Variants in SORCS2 observed in about 807,000 individuals in gnomAD.
SORCS2 encodes the protein sortilin related VPS10 domain containing receptor 2, also known as VPS10 domain-containing receptor SorCS2.
SORCS2 carries 100 observed loss-of-function variants against 141.6 expected under a neutral mutation model. That is an observed-to-expected ratio of 0.71 (90% CI 0.60 to 0.83). SORCS2 has a LOEUF of 0.83. Among genes scored for constraint, SORCS2 ranks in the 40% least tolerant of loss-of-function variants. The probability of loss-of-function intolerance (pLI) is 0.00; values close to 1 mark genes in which losing one functional copy is unlikely to be tolerated. For missense variants in SORCS2, 1,646 were observed against 1,560.2 expected, an observed-to-expected ratio of 1.05 and a Z score of -0.93; for synonymous variants, 789 against 676.9, an observed-to-expected ratio of 1.17 and a Z score of -2.57.
At chr4:7,289,009 T>C (rs1716432186) in intron 1 of SORCS2, among the ~76,000 whole-genome samples, 1 of 151,918 alleles carries the variant, frequency 6.6e-6, no homozygotes, top group Non-Finnish European at 1.5e-5. Flanking sequence ...TGGGTCACAG[T>C]CTTCTAGGTT....
At chr4:7,434,347 G>T in intron 2 of SORCS2, 2 of 1,608,840 alleles carry the variant, frequency 1.2e-6, no homozygotes, top group Non-Finnish European at 1.7e-6. Flanking sequence ...TCCTTCAGGC[G>T]CCTGGCGGGG....
At chr4:7,343,513 C>G (rs992070251) in intron 1 of SORCS2, among the ~76,000 whole-genome samples, 1 of 152,170 alleles carries the variant, frequency 6.6e-6, no homozygotes, top group East Asian at 1.9e-4. Flanking sequence ...AGTGGATCTC[C>G]CCATCCTGGC....
In SORCS2 at chr4:7,421,747, C is replaced by T. The variant is rs376957471; in HGVS notation, c.548+25392C>T. Among the ~76,000 whole-genome samples the T allele has an allele frequency of 2.2e-3, 341 of 152,274 alleles. 2 individuals carry two copies. The highest frequency in any genetic ancestry group is 3.4e-3 in the Middle Eastern group (1 of 294). On this transcript the variant is annotated intron_variant, in intron 2 of 26. Transcript: ENST00000507866. ...CGCTGGCTCTGTGGGACGGCCACTG[C>T]GGCCCCTCTCTGGTCTCCCTGTTCC... is the stretch of plus-strand genomic sequence containing the variant.
intron 1 of SORCS2, among the ~76,000 whole-genome samples, chr4:7,220,066 G>C (rs1464207496): frequency 6.6e-6 from 1 of 152,220 alleles, no homozygotes; most frequent in Non-Finnish European, 1.5e-5. Flanking sequence ...GCTGCCGACT[G>C]ACCCCTCAAA....
At chr4:7,693,039 C>T (rs1314985219) in intron 11 of SORCS2, among the ~76,000 whole-genome samples, 1 of 152,184 alleles carries the variant, frequency 6.6e-6, no homozygotes, top group African/African-American at 2.4e-5. Context: ...ATGTTGATCC[C>T]AGAAATCAAC....
In SORCS2 at chr4:7,243,962, C is replaced by T. The variant is rs141265112; in HGVS notation, c.480+50836C>T. Among the ~76,000 whole-genome samples, 106 of 152,288 alleles carry T rather than the reference C, an allele frequency of 7.0e-4. 2 individuals carry two copies. The South Asian group carries it at 0.019, about 27-fold the overall frequency. Reference sequence around the variant, plus strand: ...GGAGCTGGGTGTGCACCAGGTGGACCGGGAGGGCCATGGCCAGAAGGAAAT... The same window carrying T: ...GGAGCTGGGTGTGCACCAGGTGGACTGGGAGGGCCATGGCCAGAAGGAAAT... On this transcript the variant is annotated intron_variant, in intron 1 of 26. Transcript: ENST00000507866.
In SORCS2 at chr4:7,361,704, T is replaced by TG. The variant is rs201617664; in HGVS notation, c.481-34580dup. 2.3e-4 allele frequency among the ~76,000 whole-genome samples: 35 copies of TG among 149,958 alleles called. No individual in the cohort carries two copies. In the East Asian group the frequency reaches 6.4e-3, roughly 27 times the overall value. On this transcript the variant is annotated intron_variant, in intron 1 of 26. Transcript: ENST00000507866. The stretch of plus-strand genomic sequence containing the variant: ...GGGGTGTGGGGGCCCGGGGAAGGGC[T>TG]GGGGACCCCACTGCAGGCAGCTGTA...
At chr4:7,630,550 C>T (rs996471002) in intron 3 of SORCS2, among the ~76,000 whole-genome samples, 2 of 152,264 alleles carry the variant, frequency 1.3e-5, no homozygotes, top group South Asian at 2.1e-4. Context: ...TCAGGGTCAC[C>T]CAGACATGAC....
At chr4:7,605,252 G>T (rs1348073020) in intron 3 of SORCS2, among the ~76,000 whole-genome samples, 1 of 152,236 alleles carries the variant, frequency 6.6e-6, no homozygotes, top group Non-Finnish European at 1.5e-5. Context: ...AGGCATGGTG[G>T]TGGTTTTGAG....
rs938725727 is a variant in SORCS2 at position 7,691,181 on chromosome 4, G to T, written c.1591+1593G>T. 2.6e-5 allele frequency among the ~76,000 whole-genome samples: 4 copies of T among 152,346 alleles called. No individual in the cohort carries two copies. The South Asian group carries it at 8.3e-4, about 32-fold the overall frequency. On this transcript the variant is annotated intron_variant, in intron 11 of 26. Transcript: ENST00000507866. Reference sequence around the variant, plus strand: ...AGAGGGGGTGGCTGTGTGGCCAGTGGCCAAGGACCATATGGATGTGGACCC... The same window carrying T: ...AGAGGGGGTGGCTGTGTGGCCAGTGTCCAAGGACCATATGGATGTGGACCC...
chr4:7,408,236 C>G (rs116004872), intron 2 of SORCS2, among the ~76,000 whole-genome samples: 24 of 151,632 alleles, frequency 1.6e-4, no homozygotes, highest in African/African-American at 5.1e-4. Context: ...AATTTTTTTT[C>G]CTTTCAGATG....
intron 18 of SORCS2, among the ~76,000 whole-genome samples, chr4:7,722,242 TC>T (rs1427215092): frequency 6.6e-6 from 1 of 152,072 alleles, no homozygotes; most frequent in Non-Finnish European, 1.5e-5. Flanking sequence ...AGGAAACACT[TC>T]CCTCCGTGGA....
intron 19 of SORCS2, among the ~76,000 whole-genome samples, chr4:7,724,115 A>ATGGTGGTGATGGTGGTGGTGATGGTGG (rs1218035281): frequency 6.9e-6 from 1 of 145,112 alleles, no homozygotes; most frequent in South Asian, 2.2e-4. Flanking sequence ...AGTGGTGGTG[A>ATGGTGGTGATGGTGGTGGTGATGGTGG]TGGTGGTGGT....
At chr4:7,442,980 G>A (rs910674373) in intron 2 of SORCS2, among the ~76,000 whole-genome samples, 2 of 152,160 alleles carry the variant, frequency 1.3e-5, no homozygotes, top group Non-Finnish European at 2.9e-5. Context: ...TCTTCCCCGG[G>A]CCGGGGTTTG....
chr4:7,587,221 G>A (rs774641095), intron 3 of SORCS2, among the ~76,000 whole-genome samples: 1 of 152,094 alleles, frequency 6.6e-6, no homozygotes, highest in Non-Finnish European at 1.5e-5. Context: ...TGGATTAGAA[G>A]AGGAAGAGAG....
chr4:7,734,054 A>G (rs1179652517), intron 24 of SORCS2, among the ~76,000 whole-genome samples: 1 of 151,156 alleles, frequency 6.6e-6, no homozygotes, highest in East Asian at 2.0e-4. Context: ...GGTGGGGGAC[A>G]GGAAGAGGTC....
chr4:7,331,393 C>G (rs1719646582), intron 1 of SORCS2, among the ~76,000 whole-genome samples: 1 of 152,124 alleles, frequency 6.6e-6, no homozygotes, highest in Non-Finnish European at 1.5e-5. Flanking sequence ...GTGATCGACC[C>G]TTGCTGCAGG....
At chr4:7,628,953 G>C (rs1348431788) in intron 3 of SORCS2, among the ~76,000 whole-genome samples, 1 of 152,154 alleles carries the variant, frequency 6.6e-6, no homozygotes, top group Non-Finnish European at 1.5e-5. Context: ...TAAGACAAAG[G>C]ATAATCAGGA....
intron 4 of SORCS2, among the ~76,000 whole-genome samples, chr4:7,641,809 GAT>G (rs1720748380): frequency 1.1e-4 from 15 of 139,444 alleles, no homozygotes; most frequent in African/African-American, 3.8e-4. Context: ...TGGATGGATG[GAT>G]GGATGGGTGG....
Sources: allele counts gnomAD v4.1 joint callset (sites outside exome capture counted in the v4.1 genomes callset), GRCh38; gene constraint gnomAD v4.1.1; transcripts MANE v1.5; gene names NCBI Gene and HGNC (gene_info 2026-07-23, HGNC 2026-07-21).